The following LRP2 variants were observed in gnomAD, a reference collection of about 807,000 sequenced individuals.
LRP2 encodes the protein LDL receptor related protein 2, also known as low-density lipoprotein receptor-related protein 2.
Under a neutral mutation model 531.0 loss-of-function variants are expected in LRP2, and 172 were observed. The ratio of observed to expected loss-of-function variants is 0.32; its 90% CI spans 0.29 to 0.37. LRP2 has a LOEUF of 0.37. LRP2 is among the 10% of genes least tolerant of loss of function. LRP2 has a pLI of 1.00. For synonymous variants in LRP2, 1,992 were observed against 2,027.6 expected (o/e 0.98, Z 0.47); for missense variants, 5,167 against 5,868.3 (o/e 0.88, Z 3.90).
chr2:169,224,825 C>T (rs926500803), intron 33 of LRP2, among the ~76,000 whole-genome samples: 9 of 152,188 alleles, frequency 5.9e-5, no homozygotes, highest in African/African-American at 2.2e-4. Context: ...CGTGGTGGCT[C>T]ATGCCTATAA....
intron 4 of LRP2, among the ~76,000 whole-genome samples, chr2:169,305,739 G>A (rs979289537): frequency 6.6e-6 from 1 of 152,124 alleles, no homozygotes; most frequent in African/African-American, 2.4e-5. Flanking sequence ...TGGCTCTTTC[G>A]GTCAACGACA....
In LRP2 at chr2:169,290,933, T is replaced by G; in HGVS notation, c.834A>C (p.Arg278=). 6.2e-7 allele frequency: 1 copy of G among 1,614,108 alleles called. No individual in the cohort carries two copies. Residue 278 remains arginine (R), a synonymous_variant, in exon 8 of 79, where the codon CGA becomes CGC. Transcript: ENST00000649046. ...PREWSCPESG[R]CISIYKVCDG... ...CACAAACTTTATAAATGGAGATGCA[T>G]CGTCCCGACTCTGGGCAAGACCATT...
intron 14 of LRP2, 32 bp downstream of exon 14, chr2:169,275,004 C>G (rs1232567128): frequency 6.2e-7 from 1 of 1,601,760 alleles, no homozygotes; most frequent in Non-Finnish European, 8.6e-7. Flanking sequence ...AAGTCCGGTA[C>G]CAAGCATGGT....
intron 25 of LRP2, chr2:169,240,697 A>C: frequency 1.8e-6 from 1 of 566,262 alleles, no homozygotes. Flanking sequence ...CATTACCAAC[A>C]GAACCAAATT....
At chr2:169,173,326 T>C in intron 56 of LRP2, 102 bp from the exon 57 acceptor site, 1 of 1,451,846 alleles carries the variant, frequency 6.9e-7, no homozygotes, top group Admixed American at 1.8e-5. Context: ...AATGACCATG[T>C]TACCAAGCAA....
chr2:169,206,811 G>A lies in LRP2; in HGVS notation c.6909C>T (p.Ala2303=), dbSNP rs755896851. 5 of 1,614,076 alleles carry A rather than the reference G, an allele frequency of 3.1e-6. No individual in the cohort carries two copies. The highest frequency in any genetic ancestry group is 3.4e-6 in the Non-Finnish European group (4 of 1,180,004). ...VDRNLKKIFQ[A]SKEPENTEPP... is the part of the protein sequence containing the mutation. Reference sequence around the variant, plus strand: ...GCTCTGTGTTCTCTGGTTCCTTGCTGGCTTGGAAGATCTTTTTCAAATTCC... The same window carrying A: ...GCTCTGTGTTCTCTGGTTCCTTGCTAGCTTGGAAGATCTTTTTCAAATTCC... Residue 2303 remains alanine, a synonymous_variant, in exon 39 of 79, where the codon GCC becomes GCT. Coordinates refer to ENST00000649046, the MANE Select transcript of LRP2 (RefSeq NM_004525.3).
Position 169,227,352 on chromosome 2 carries a change from C to G in LRP2, c.5228-764G>C, listed in dbSNP as rs532939572. ...ACAGTATCTTCCAAAGTTCTCAAAA[C>G]TGTCTACACATTGTAATTTAAACAT... On this transcript the variant is annotated intron_variant, in intron 31 of 78. Transcript: ENST00000649046. Among the ~76,000 whole-genome samples, 14 of 152,306 alleles carry G rather than the reference C, an allele frequency of 9.2e-5. No individual in the cohort carries two copies. The East Asian group carries it at 2.7e-3, about 29-fold the overall frequency.
At chr2:169,280,138 G>A (rs1234244885) in intron 11 of LRP2, among the ~76,000 whole-genome samples, 1 of 152,144 alleles carries the variant, frequency 6.6e-6, no homozygotes, top group Admixed American at 6.5e-5. Flanking sequence ...AAAATTAAAA[G>A]TTGCTCAAGG....
intron 9 of LRP2, among the ~76,000 whole-genome samples, chr2:169,285,816 T>A (rs1427000773): frequency 1.3e-5 from 2 of 152,170 alleles, no homozygotes; most frequent in African/African-American, 4.8e-5. Context: ...CAGAGGCAGA[T>A]GAATGGTAGA....
intron 48 of LRP2, among the ~76,000 whole-genome samples, chr2:169,191,260 T>C (rs761650818): frequency 6.6e-5 from 10 of 152,224 alleles, no homozygotes; most frequent in Non-Finnish European, 1.3e-4. Context: ...TCTACTTGAC[T>C]CTGAGCCTAA....
At chr2:169,313,935 C>T (rs192819227) in intron 3 of LRP2, among the ~76,000 whole-genome samples, 194 of 152,210 alleles carry the variant, frequency 1.3e-3, no homozygotes, top group Middle Eastern at 6.8e-3. Flanking sequence ...TTTTAGAGTC[C>T]ATAGATATCA....
Position 169,256,132 on chromosome 2 carries a change from T to G in LRP2, c.2744A>C (p.His915Pro), listed in dbSNP as rs1258383384. ...RRLGHIEQMT[H>P]PFGLAIFGEH... ...TCCAAAGATGGCAAGTCCAAACGGA[T>G]GTGTCATCTGCTCTATATGGCCCAG... The change falls in exon 19 of 79, where the codon CAT becomes CCT. Residue 915 changes from histidine to proline, a missense_variant. By Grantham distance (77) the His-to-Pro change is moderately conservative (BLOSUM62 -2). This residue lies in a region of LRP2 where 2,811 missense variants were observed against 3,058.0 expected (regional missense o/e 0.92). Transcript: ENST00000649046. 2 of 1,613,080 alleles carry G rather than the reference T, an allele frequency of 1.2e-6. No individual in the cohort carries two copies. The highest frequency in any genetic ancestry group is 1.7e-6 in the Non-Finnish European group (2 of 1,179,266).
At chr2:169,354,613 A>G (rs1482849240) in intron 1 of LRP2, among the ~76,000 whole-genome samples, 3 of 152,198 alleles carry the variant, frequency 2.0e-5, no homozygotes, top group Non-Finnish European at 1.5e-5. Flanking sequence ...CTAAATCAGA[A>G]GTGTCCTAAT....
At chr2:169,293,698 GA>G (rs1390635429) in intron 6 of LRP2, among the ~76,000 whole-genome samples, 1 of 152,052 alleles carries the variant, frequency 6.6e-6, no homozygotes. Context: ...CGAAGAAAAA[GA>G]AACTTTCCTG....
intron 68 of LRP2, 70 bp from the exon 69 acceptor site, chr2:169,147,029 G>T: frequency 1.7e-6 from 2 of 1,180,006 alleles, no homozygotes; most frequent in Non-Finnish European, 1.2e-6. Context: ...AGAGCACAGG[G>T]CATTACCTAC....
intron 31 of LRP2, 76 bp downstream of exon 31, chr2:169,231,638 G>A: frequency 6.3e-7 from 1 of 1,588,586 alleles, no homozygotes; most frequent in Non-Finnish European, 8.6e-7. Flanking sequence ...GTCGCAATTG[G>A]TTTTAGAGTT....
intron 1 of LRP2, among the ~76,000 whole-genome samples, chr2:169,331,052 C>A (rs1428370113): frequency 7.2e-5 from 11 of 152,156 alleles, no homozygotes; most frequent in Non-Finnish European, 1.3e-4. Flanking sequence ...CTGTTTCACC[C>A]TGGAATGCTC....
intron 77 of LRP2, among the ~76,000 whole-genome samples, chr2:169,131,737 G>A (rs1312162779): frequency 6.6e-6 from 1 of 152,150 alleles, no homozygotes; most frequent in African/African-American, 2.4e-5. Context: ...CAGTTTTGTA[G>A]CACAAAGAAC....
In LRP2 at chr2:169,170,544, C is replaced by G. The variant is rs201291642; in HGVS notation, c.11380+7G>C. 1.2e-5 allele frequency: 19 copies of G among 1,604,182 alleles called. No homozygotes were observed. In the Admixed American group the frequency reaches 2.0e-4, roughly 17 times the overall value. ...ATTCTATGGTAAGCTTCTCAAATGA[C>G]AGTTACCACAGTCCCGTTCATCTGA... On this transcript the variant is annotated splice_region_variant and intron_variant, in intron 59 of 78. Coordinates refer to ENST00000649046, the MANE Select transcript of LRP2 (RefSeq NM_004525.3).
Sources: allele counts gnomAD v4.1 joint callset (sites outside exome capture counted in the v4.1 genomes callset), GRCh38; gene constraint gnomAD v4.1.1; regional missense constraint gnomAD v4.1.1; transcripts MANE v1.5; gene names NCBI Gene and HGNC (gene_info 2026-07-23, HGNC 2026-07-21).